The following NBPF26 variants were observed in gnomAD, a reference collection of about 807,000 sequenced individuals.
The protein encoded by NBPF26 is NBPF member 26, also known as NBPF family member NBPF26.
A neutral mutation model predicts 119.6 loss-of-function variants in NBPF26; 79 were observed. The ratio of observed to expected loss-of-function variants is 0.66; its 90% CI spans 0.55 to 0.80. The LOEUF (loss-of-function observed/expected upper bound fraction) is 0.80, where lower values mean the gene tolerates loss of function less well. Among genes scored for constraint, NBPF26 ranks in the 30% least tolerant of loss-of-function variants. The probability of loss-of-function intolerance (pLI) is 0.00; values close to 1 mark genes in which losing one functional copy is unlikely to be tolerated. For synonymous variants in NBPF26, 299 were observed against 457.7 expected (o/e 0.65, Z 4.43); for missense variants, 800 against 1,198.2 (o/e 0.67, Z 4.91).
At position 120,798,488 on chromosome 1, in the gene NBPF26, CA is replaced by C. The variant is rs1405907538; in HGVS notation, c.751+4993del. On this transcript the variant is annotated intron_variant, in intron 4 of 29. Coordinates refer to ENST00000620612, the Ensembl canonical transcript of NBPF26. ...GTGATGGAGTGGGCGATACGTGGCA[CA>C]GGGGTCAGTGAGTTAATCTGGGCTC... Among the ~76,000 whole-genome samples, 21 of 120,880 alleles carry C rather than the reference CA, an allele frequency of 1.7e-4. 3 individuals are homozygous for C. The highest frequency in any genetic ancestry group is 6.9e-4 in the African/African-American group (21 of 30,538). The allele number at this position is 120,880 out of a possible 152,430, so 79.3% of individuals were successfully genotyped here.
chr1:120,793,620 G>A lies in NBPF26; in HGVS notation c.751+124G>A, dbSNP rs1165176017. On this transcript the variant is annotated intron_variant, in intron 4 of 29. Coordinates refer to ENST00000620612, the Ensembl canonical transcript of NBPF26. ...AAGGGAAGTGAGAATTTTGTGTGGGGTGGGTTGCTAGTGAGGGAGGAGTTT... is the reference window on the plus strand; with the variant it reads ...AAGGGAAGTGAGAATTTTGTGTGGGATGGGTTGCTAGTGAGGGAGGAGTTT... 5.6e-5 allele frequency: 40 copies of A among 717,880 alleles called. 13 individuals are homozygous for A. In the Admixed American group the frequency reaches 7.1e-4, roughly 13 times the overall value. 44.5% of individuals were successfully genotyped at this position (717,880 alleles called of 1,614,324 possible).
Position 120,822,268 on chromosome 1 carries a change from G to C in NBPF26, c.2587+1G>C. On this transcript the variant is annotated splice_donor_variant, in intron 16 of 29. Coordinates refer to ENST00000620612, the Ensembl canonical transcript of NBPF26. LOFTEE classifies it high-confidence loss of function. ...GTCTGCATGGCTGTTGACATAGGCA[G>C]TGAGTACTCCATTGTGAAGGTGATA... is the stretch of plus-strand genomic sequence containing the variant. The C allele has an allele frequency of 9.3e-7, 1 of 1,072,670 alleles. No individual in the cohort carries two copies. Among genetic ancestry groups the C allele is most frequent in the Non-Finnish European group, 1.3e-6 (1 of 774,258 alleles). The allele number at this position is 1,072,670 out of a possible 1,614,324, so 66.4% of individuals were successfully genotyped here. A position where few individuals can be genotyped will look rare whatever the true frequency, so the allele number is the denominator to read the frequency against.
At chr1:120,792,854 G>C (rs1651508125) in intron 3 of NBPF26, among the ~76,000 whole-genome samples, 1 of 66,516 alleles carries the variant, frequency 1.5e-5, no homozygotes, top group South Asian at 3.7e-4. Flanking sequence ...AGCTCTGAGA[G>C]AGTAGATGGA....
At chr1:120,767,716 T>C (rs1651209411) in intron 2 of NBPF26, among the ~76,000 whole-genome samples, 1 of 115,346 alleles carries the variant, frequency 8.7e-6, no homozygotes, top group Non-Finnish European at 1.7e-5. Context: ...TTTGATGTCA[T>C]TAATCACTTT....
In NBPF26 at chr1:120,811,950, C is replaced by T. The variant is rs1553271035; in HGVS notation, c.1629C>T (p.Gly543=). Residue 543 remains glycine (G), a synonymous_variant, in exon 10 of 30, where the codon GGC becomes GGT. Coordinates refer to ENST00000620612, the Ensembl canonical transcript of NBPF26. ...TGGTATCAGCCGGCCCTTTGTCCGG[C>T]GAGAAGGCAGCGATAAACATTCTAG... The T allele has an allele frequency of 4.7e-5, 58 of 1,223,062 alleles. 17 individuals are homozygous for T. Among genetic ancestry groups the T allele is most frequent in the Middle Eastern group, 2.4e-4 (1 of 4,140 alleles). The allele number at this position is 1,223,062 out of a possible 1,614,324, so 75.8% of individuals were successfully genotyped here. A position where few individuals can be genotyped will look rare whatever the true frequency, so the allele number is the denominator to read the frequency against.
At chr1:120,840,391 T>C (rs1553273438) in exon 30 of NBPF26, 6 of 1,463,912 alleles carry the variant, frequency 4.1e-6, no homozygotes, top group East Asian at 2.3e-5. Flanking sequence ...CCTGAAGTCT[T>C]GCAGGACTCA....
rs1376571059 is a variant in NBPF26 at position 120,815,213 on chromosome 1, G to A, written c.2092+170G>A. 2.7e-5 allele frequency among the ~76,000 whole-genome samples: 3 copies of A among 111,392 alleles called. 1 individual carries two copies. Among genetic ancestry groups the A allele is most frequent in the East Asian group, 2.2e-4 (1 of 4,600 alleles). 73.1% of individuals were successfully genotyped at this position (111,392 alleles called of 152,430 possible). On this transcript the variant is annotated intron_variant, in intron 12 of 29. Transcript: ENST00000620612. ...TAAGAACAGAGATGGGAAACCCATG[G>A]GGTTGGAGGTCACAGTATTGCAAGT...
At chr1:120,762,470 C>T (rs1651144979) in intron 1 of NBPF26, among the ~76,000 whole-genome samples, 1 of 108,206 alleles carries the variant, frequency 9.2e-6, no homozygotes, top group Non-Finnish European at 1.8e-5. Flanking sequence ...CCTAGCGTCT[C>T]TCTGATCTTG....
chr1:120,808,561 G>A lies in NBPF26; in HGVS notation c.1081G>A (p.Val361Ile), dbSNP rs1320272877. The A allele has an allele frequency of 9.8e-4, 736 of 748,504 alleles. 106 individuals carry two copies. The highest frequency in any genetic ancestry group is 5.4e-3 in the Middle Eastern group (15 of 2,760). The allele number at this position is 748,504 out of a possible 1,614,324, so 46.4% of individuals were successfully genotyped here. The change falls in exon 7 of 30, where the codon GTT (valine) becomes ATT (isoleucine). Residue 361 changes from valine to isoleucine, a missense_variant. Around this residue, in one of 13 missense-constraint regions of NBPF26, gnomAD observed 33 missense variants for 188.8 expected, o/e 0.17. Coordinates refer to ENST00000620612, the Ensembl canonical transcript of NBPF26. ...TCACCTTAGGCAATATAAAGTCCTGGTTCACTCTCAGGAACGAGAGCTGAC... is the reference window on the plus strand; with the variant it reads ...TCACCTTAGGCAATATAAAGTCCTGATTCACTCTCAGGAACGAGAGCTGAC...
At chr1:120,815,243 C>T (rs1471723506) in intron 12 of NBPF26, among the ~76,000 whole-genome samples, 200 bp downstream of exon 12, 4 of 114,644 alleles carry the variant, frequency 3.5e-5, no homozygotes, top group Admixed American at 1.7e-4. Context: ...GCAAGTGTCC[C>T]TCCTTCCTTG....
chr1:120,754,202 CAA>C (rs1176118362), intron 1 of NBPF26, among the ~76,000 whole-genome samples: 2 of 14,514 alleles, frequency 1.4e-4, no homozygotes, highest in Non-Finnish European at 1.2e-4. Flanking sequence ...GACTCCATCT[CAA>C]AAAAAAAAAA....
chr1:120,791,454 A>G (rs1651493020), intron 3 of NBPF26, among the ~76,000 whole-genome samples: 1 of 103,984 alleles, frequency 9.6e-6, no homozygotes, highest in Non-Finnish European at 1.8e-5. Context: ...ACACCATGGA[A>G]TACTATTCAG....
intron 5 of NBPF26, 64 bp downstream of exon 5, chr1:120,805,829 C>T: frequency 8.5e-7 from 1 of 1,172,802 alleles, no homozygotes; most frequent in South Asian, 1.3e-5. Flanking sequence ...CTCTGAGACA[C>T]TAAATGCTCT....
chr1:120,807,441 C>T lies in NBPF26; in HGVS notation c.962-166C>T, dbSNP rs1253111978. On this transcript the variant is annotated intron_variant, in intron 5 of 29. Transcript: ENST00000620612. The stretch of plus-strand genomic sequence containing the variant: ...TCTTTAAATTTTGGAGGATCAGATG[C>T]CAGAAAGTCAGGAGACTGAAGAGTA... Among the ~76,000 whole-genome samples the T allele has an allele frequency of 1.7e-5, 2 of 119,122 alleles. 1 individual carries two copies. Among genetic ancestry groups the T allele is most frequent in the Non-Finnish European group, 3.3e-5 (2 of 59,942 alleles). 78.1% of individuals were successfully genotyped at this position (119,122 alleles called of 152,430 possible). A position where few individuals can be genotyped will look rare whatever the true frequency, so the allele number is the denominator to read the frequency against.
chr1:120,768,206 T>A (rs1651215638), intron 2 of NBPF26, among the ~76,000 whole-genome samples: 1 of 114,508 alleles, frequency 8.7e-6, no homozygotes, highest in Admixed American at 8.3e-5. Context: ...ATAGGGCTCT[T>A]ATTCCCAAGA....
chr1:120,812,056 C>G lies in NBPF26; in HGVS notation c.1735C>G (p.Gln579Glu), dbSNP rs1553271068. Residue 579 changes from glutamine to glutamate, a missense_variant, in exon 10 of 30, where the codon CAA becomes GAA. This residue lies in a region of NBPF26 where 72 missense variants were observed against 81.1 expected (regional missense o/e 0.89). Coordinates refer to ENST00000620612, the Ensembl canonical transcript of NBPF26. The stretch of plus-strand genomic sequence containing the variant: ...CCTCAAAGAGAAATGTTTTCTAACT[C>G]AACTGGCCGGCTTCCTGGCCAACCA... The G allele has an allele frequency of 7.8e-6, 10 of 1,287,662 alleles. 2 individuals carry two copies. Among genetic ancestry groups the G allele is most frequent in the Non-Finnish European group, 1.1e-5 (10 of 943,656 alleles). 79.8% of individuals were successfully genotyped at this position (1,287,662 alleles called of 1,614,324 possible). A position where few individuals can be genotyped will look rare whatever the true frequency, so the allele number is the denominator to read the frequency against.
chr1:120,824,116 C>T lies in NBPF26; in HGVS notation c.2782C>T (p.Gln928Ter). 2.2e-6 allele frequency: 1 copy of T among 455,318 alleles called. No homozygotes were observed. 28.2% of individuals were successfully genotyped at this position (455,318 alleles called of 1,614,324 possible). Reference sequence around the variant, plus strand: ...AAGTGCCTTTTACGTATTGGAGCAACAGCGTGTTGGCTTGGCTGTTGACAT... The same window carrying T: ...AAGTGCCTTTTACGTATTGGAGCAATAGCGTGTTGGCTTGGCTGTTGACAT... Residue 928 changes from glutamine to a stop codon, truncating the protein, a stop_gained, in exon 18 of 30, where the codon CAG (glutamine) becomes TAG (stop). Coordinates refer to ENST00000620612, the Ensembl canonical transcript of NBPF26. LOFTEE classifies it high-confidence loss of function.
In NBPF26 at chr1:120,823,809, C is replaced by A. The variant is rs1325427561; in HGVS notation, c.2640-165C>A. On this transcript the variant is annotated intron_variant, in intron 17 of 29. Coordinates refer to ENST00000620612, the Ensembl canonical transcript of NBPF26. ...GTGTGTGTCTTTCATCTTTTTCTAC[C>A]TGGCCCTGTTCTATCCCAACATAAA... Among the ~76,000 whole-genome samples the A allele has an allele frequency of 1.3e-4, 14 of 107,786 alleles. 4 individuals carry two copies. The highest frequency in any genetic ancestry group is 2.1e-4 in the Non-Finnish European group (12 of 56,352). 70.7% of individuals were successfully genotyped at this position (107,786 alleles called of 152,430 possible). A position where few individuals can be genotyped will look rare whatever the true frequency, so the allele number is the denominator to read the frequency against.
In NBPF26 at chr1:120,779,498, T is replaced by G. The variant is rs1308406496; in HGVS notation, c.156-5476T>G. ...AGAAGAGAGAGTAAGTAAAAGTCACTGAGAGACATTGAAGAGACAGTTATG... is the reference window on the plus strand; with the variant it reads ...AGAAGAGAGAGTAAGTAAAAGTCACGGAGAGACATTGAAGAGACAGTTATG... On this transcript the variant is annotated intron_variant, in intron 2 of 29. Transcript: ENST00000620612. Among the ~76,000 whole-genome samples, 4 of 118,770 alleles carry G rather than the reference T, an allele frequency of 3.4e-5. 2 individuals are homozygous for G. Among genetic ancestry groups the G allele is most frequent in the Non-Finnish European group, 6.8e-5 (4 of 58,690 alleles). The allele number at this position is 118,770 out of a possible 152,430, so 77.9% of individuals were successfully genotyped here. A position where few individuals can be genotyped will look rare whatever the true frequency, so the allele number is the denominator to read the frequency against.
Sources: gnomAD v4.1 joint callset for allele counts (sites outside exome capture counted in the v4.1 genomes callset) on GRCh38, gnomAD v4.1.1 for gene constraint, gnomAD v4.1.1 regional missense constraint, MANE v1.5 for transcripts, NCBI Gene and HGNC (gene_info 2026-07-23, HGNC 2026-07-21) for gene names.